TTYH1: variants seen among roughly 807,000 people sequenced by gnomAD.
The protein encoded by TTYH1 is protein tweety homolog 1.
In TTYH1, 33 loss-of-function variants were observed where a neutral mutation model predicts 61.2. The ratio of observed to expected loss-of-function variants is 0.54; its 90% CI spans 0.41 to 0.72. The LOEUF is 0.72. TTYH1 is among the 30% of genes least tolerant of loss of function. The pLI is 0.00. For synonymous variants in TTYH1, 308 were observed against 266.4 expected, an observed-to-expected ratio of 1.16 and a Z score of -1.52; for missense variants, 538 against 575.8, an observed-to-expected ratio of 0.93 and a Z score of 0.67.
chr19:54,416,041 G>C lies in TTYH1; in HGVS notation c.126+363G>C. 7.6e-7 allele frequency: 1 copy of C among 1,315,952 alleles called. No individual in the cohort carries two copies. The allele number at this position is 1,315,952 out of a possible 1,614,324, so 81.5% of individuals were successfully genotyped here. A position where few individuals can be genotyped will look rare whatever the true frequency, so the allele number is the denominator to read the frequency against. Reference sequence around the variant, plus strand: ...GTCTACTCTTCCTGCCCTAAAAGATGACCCTGCCCCACAGGATCAGAGCAG... The same window carrying C: ...GTCTACTCTTCCTGCCCTAAAAGATCACCCTGCCCCACAGGATCAGAGCAG... On this transcript the variant is annotated intron_variant, in intron 1 of 13. Coordinates refer to ENST00000376530, the MANE Select transcript of TTYH1 (RefSeq NM_020659.4). The surrounding 1 kb of genome is among the most constrained non-coding windows in gnomAD (Gnocchi z 7.0).
chr19:54,419,162 G>A lies in TTYH1; in HGVS notation c.161G>A (p.Gly54Asp), dbSNP rs771847339. 2 of 1,613,270 alleles carry A rather than the reference G, an allele frequency of 1.2e-6. No individual in the cohort carries two copies. The highest frequency in any genetic ancestry group is 2.2e-5 in the South Asian group (2 of 91,076). The stretch of plus-strand genomic sequence containing the variant: ...CTGGTGGCGGCCTTGGCGGGCCTGG[G>A]CTTGGGCCTGAGCCTCATTTTCATC... Reference protein sequence around the residue: ...LLLVAALAGLGLGLSLIFIAV... With the variant: ...LLLVAALAGLDLGLSLIFIAV... The change falls in exon 2 of 14, where the codon GGC (glycine) becomes GAC (aspartate). Residue 54 changes from glycine to aspartate, a missense_variant. Gly to Asp is a moderately conservative substitution (Grantham distance 94). Coordinates refer to ENST00000376530, the MANE Select transcript of TTYH1 (RefSeq NM_020659.4). This position sits in a 1 kb window ranked among gnomAD's most constrained non-coding sequence, Gnocchi z 6.1.
In TTYH1 at chr19:54,436,872, TAAAAAAA is replaced by T. The variant is rs111972166; in HGVS notation, c.*595_*601del. 1 of 129,340 alleles carries T rather than the reference TAAAAAAA, an allele frequency of 7.7e-6. No homozygotes were observed. The highest frequency in any genetic ancestry group is 1.7e-5 in the Non-Finnish European group (1 of 59,944). 8.0% of individuals were successfully genotyped at this position (129,340 alleles called of 1,614,324 possible). A position where few individuals can be genotyped will look rare whatever the true frequency, so the allele number is the denominator to read the frequency against. ...CAAGGGGTCCAAAGACATTGTTCTT[TAAAAAAA>T]AAAAAAAAAAAATCAAAAAACAAAA... On this transcript the variant is annotated 3_prime_UTR_variant, in exon 14 of 14. Transcript: ENST00000376530. This position sits in a 1 kb window ranked among gnomAD's most constrained non-coding sequence, Gnocchi z 4.3.
Position 54,429,780 on chromosome 19 carries a change from C to T in TTYH1, c.808-102C>T. On this transcript the variant is annotated intron_variant, in intron 6 of 13. Transcript: ENST00000376530. The surrounding 1 kb of genome is among the most constrained non-coding windows in gnomAD (Gnocchi z 5.1). ...GGGAAGAGGGGCTGGGACCTGGACC[C>T]CTGGGTGGGGAGGGGAGCTGGGGAG... 9.8e-7 allele frequency: 1 copy of T among 1,024,344 alleles called. No homozygotes were observed. The highest frequency in any genetic ancestry group is 1.5e-6 in the Non-Finnish European group (1 of 666,652). 63.5% of individuals were successfully genotyped at this position (1,024,344 alleles called of 1,614,324 possible).
Position 54,429,259 on chromosome 19 carries a change from G to A in TTYH1, c.735-48G>A, listed in dbSNP as rs545469503. 5.7e-6 allele frequency: 9 copies of A among 1,570,810 alleles called. No individual in the cohort carries two copies. The South Asian group carries it at 7.8e-5, about 14-fold the overall frequency. On this transcript the variant is annotated intron_variant, in intron 5 of 13. Transcript: ENST00000376530. This position sits in a 1 kb window ranked among gnomAD's most constrained non-coding sequence, Gnocchi z 5.1. ...GGATTTGGGGTGTGGAAAGAGGCTA[G>A]GCTAGGAGATTAAGAACCCCGGGCT...
At position 54,416,968 on chromosome 19, in the gene TTYH1, T is replaced by A; in HGVS notation, c.126+1290T>A. On this transcript the variant is annotated intron_variant, in intron 1 of 13. Coordinates refer to ENST00000376530, the MANE Select transcript of TTYH1 (RefSeq NM_020659.4). The surrounding 1 kb of genome is among the most constrained non-coding windows in gnomAD (Gnocchi z 7.0). Reference sequence around the variant, plus strand: ...CTCACTCCGCCCCCACGGTCGGGGGTCAGGGTCAGGGTGGCAGGGATGCGC... The same window carrying A: ...CTCACTCCGCCCCCACGGTCGGGGGACAGGGTCAGGGTGGCAGGGATGCGC... The A allele has an allele frequency of 8.2e-7, 1 of 1,226,316 alleles. No homozygotes were observed. Among genetic ancestry groups the A allele is most frequent in the Non-Finnish European group, 1.0e-6 (1 of 958,864 alleles). The allele number at this position is 1,226,316 out of a possible 1,614,324, so 76.0% of individuals were successfully genotyped here.
At position 54,420,818 on chromosome 19, in the gene TTYH1, T is replaced by C; in HGVS notation, c.306-459T>C. The C allele has an allele frequency of 5.3e-6, 1 of 189,912 alleles. No homozygotes were observed. The allele number at this position is 189,912 out of a possible 1,614,324, so 11.8% of individuals were successfully genotyped here. The stretch of plus-strand genomic sequence containing the variant: ...CCCCAGGAGGTGGGGGCGGAGAACG[T>C]CTCAGCACTGAAGGGTTGGCACTGC... On this transcript the variant is annotated intron_variant, in intron 2 of 13. Coordinates refer to ENST00000376530, the MANE Select transcript of TTYH1 (RefSeq NM_020659.4). This position sits in a 1 kb window ranked among gnomAD's most constrained non-coding sequence, Gnocchi z 4.8.
chr19:54,421,128 G>T lies in TTYH1; in HGVS notation c.306-149G>T. 1 of 626,004 alleles carries T rather than the reference G, an allele frequency of 1.6e-6. No homozygotes were observed. Among genetic ancestry groups the T allele is most frequent in the Non-Finnish European group, 2.9e-6 (1 of 344,760 alleles). 38.8% of individuals were successfully genotyped at this position (626,004 alleles called of 1,614,324 possible). A position where few individuals can be genotyped will look rare whatever the true frequency, so the allele number is the denominator to read the frequency against. ...AACCGACGGGGGCCAGGCTGAAGTCGCCCTTTTCCCACGGGCTGGCCCAAT... is the reference window on the plus strand; with the variant it reads ...AACCGACGGGGGCCAGGCTGAAGTCTCCCTTTTCCCACGGGCTGGCCCAAT... On this transcript the variant is annotated intron_variant, in intron 2 of 13. Transcript: ENST00000376530. This position sits in a 1 kb window ranked among gnomAD's most constrained non-coding sequence, Gnocchi z 4.8.
Position 54,436,328 on chromosome 19 carries a change from C to T in TTYH1, c.*43-5C>T, listed in dbSNP as rs948391995. On this transcript the variant is annotated splice_region_variant and splice_polypyrimidine_tract_variant and intron_variant, in intron 13 of 13. Transcript: ENST00000376530. This position sits in a 1 kb window ranked among gnomAD's most constrained non-coding sequence, Gnocchi z 4.3. ...TCACTGCCCTGTCTCTCCCTCTCTCCGCAGTTCCTTCCCTGGCTGCCGGAG... is the reference window on the plus strand; with the variant it reads ...TCACTGCCCTGTCTCTCCCTCTCTCTGCAGTTCCTTCCCTGGCTGCCGGAG... The T allele has an allele frequency of 2.3e-5, 37 of 1,614,198 alleles. No individual in the cohort carries two copies. The East Asian group carries it at 2.5e-4, about 11-fold the overall frequency.
chr19:54,435,947 A>AG (rs1282406161), intron 12 of TTYH1, 74 bp downstream of exon 12: 34 of 1,590,660 alleles, frequency 2.1e-5, no homozygotes, highest in Non-Finnish European at 6.9e-6. Flanking sequence ...GGAGGAGCTG[A>AG]GGGCCTGGCC....
In TTYH1 at chr19:54,419,761, C is replaced by T. The variant is rs77255381; in HGVS notation, c.305+455C>T. On this transcript the variant is annotated intron_variant, in intron 2 of 13. Coordinates refer to ENST00000376530, the MANE Select transcript of TTYH1 (RefSeq NM_020659.4). The surrounding 1 kb of genome is among the most constrained non-coding windows in gnomAD (Gnocchi z 6.1). ...GCCAACATTAACTGGTGATGTCTGT[C>T]ATTCCGTCATTCACCAGCTCATTCA... Among the ~76,000 whole-genome samples, 1,439 of 152,258 alleles carry T rather than the reference C, an allele frequency of 9.5e-3. 21 individuals carry two copies. Among genetic ancestry groups the T allele is most frequent in the African/African-American group, 0.032 (1,335 of 41,520 alleles).
chr19:54,433,597 G>A (rs2083481854), intron 10 of TTYH1: 1 of 151,430 alleles, frequency 6.6e-6, no homozygotes, highest in Non-Finnish European at 1.5e-5. Flanking sequence ...CTAGGGATGG[G>A]TGCCTCGTGC....
Position 54,419,040 on chromosome 19 carries a change from A to C in TTYH1, c.127-88A>C. 1 of 1,360,856 alleles carries C rather than the reference A, an allele frequency of 7.3e-7. No individual in the cohort carries two copies. Among genetic ancestry groups the C allele is most frequent in the Non-Finnish European group, 1.0e-6 (1 of 992,530 alleles). 84.3% of individuals were successfully genotyped at this position (1,360,856 alleles called of 1,614,324 possible). On this transcript the variant is annotated intron_variant, in intron 1 of 13. Coordinates refer to ENST00000376530, the MANE Select transcript of TTYH1 (RefSeq NM_020659.4). This position sits in a 1 kb window ranked among gnomAD's most constrained non-coding sequence, Gnocchi z 6.1. ...TCCCACCTTCACTCTGACATCCCAG[A>C]CCCCGACCCCCCAGCCACGCAGGAA...
chr19:54,429,373 G>A lies in TTYH1; in HGVS notation c.801G>A (p.Thr267=), dbSNP rs761319435. The part of the protein sequence containing the change: ...SWGSMGLEAA[T]AVGLSDFCSN... ...GCTCCATGGGCCTGGAGGCAGCCAC[G>A]GCCGTGGTGAGTGCCAGGGCCGGGC... Residue 267 remains threonine (T), a synonymous_variant, in exon 6 of 14, where the codon ACG becomes ACA. Transcript: ENST00000376530. This position sits in a 1 kb window ranked among gnomAD's most constrained non-coding sequence, Gnocchi z 5.1. 2.0e-5 allele frequency: 33 copies of A among 1,613,728 alleles called. No homozygotes were observed. Among genetic ancestry groups the A allele is most frequent in the African/African-American group, 2.7e-5 (2 of 74,908 alleles).
At position 54,434,731 on chromosome 19, in the gene TTYH1, A is replaced by T. The variant is rs1253734362; in HGVS notation, c.1126-811A>T. 1 of 152,108 alleles carries T rather than the reference A, an allele frequency of 6.6e-6. No homozygotes were observed. Among genetic ancestry groups the T allele is most frequent in the African/African-American group, 2.4e-5 (1 of 41,352 alleles). 9.4% of individuals were successfully genotyped at this position (152,108 alleles called of 1,614,324 possible). ...AGAGCCAGCATTTGTTGGCATGTTG[A>T]GTGTGTATTGTGTGCGCGGTGTCAT... On this transcript the variant is annotated intron_variant, in intron 10 of 13. Transcript: ENST00000376530. This position sits in a 1 kb window ranked among gnomAD's most constrained non-coding sequence, Gnocchi z 4.3.
At position 54,416,649 on chromosome 19, in the gene TTYH1, C is replaced by A; in HGVS notation, c.126+971C>A. On this transcript the variant is annotated intron_variant, in intron 1 of 13. Coordinates refer to ENST00000376530, the MANE Select transcript of TTYH1 (RefSeq NM_020659.4). This position sits in a 1 kb window ranked among gnomAD's most constrained non-coding sequence, Gnocchi z 7.0. The stretch of plus-strand genomic sequence containing the variant: ...GAGCTCAGGGGGCGTGGAGGGGGTC[C>A]CAGAAAAGCGCGGAGGGGATGAGTG... 1.1e-6 allele frequency: 1 copy of A among 911,062 alleles called. No homozygotes were observed. Among genetic ancestry groups the A allele is most frequent in the Non-Finnish European group, 1.5e-6 (1 of 674,696 alleles). The allele number at this position is 911,062 out of a possible 1,614,324, so 56.4% of individuals were successfully genotyped here.
Position 54,435,870 on chromosome 19 carries a change from T to G in TTYH1, c.1311T>G (p.Pro437=), listed in dbSNP as rs752805975. ...DDTDDDDPFN[P]QESKRFVQWQ... ...CAGACGATGACGACCCTTTCAACCC[T>G]CAGGTACTGGATGCCTGGGTCTGAG... Residue 437 remains proline, a synonymous_variant, in exon 12 of 14, where the codon CCT becomes CCG. Transcript: ENST00000376530. 2 of 1,609,942 alleles carry G rather than the reference T, an allele frequency of 1.2e-6. No homozygotes were observed. Among genetic ancestry groups the G allele is most frequent in the Non-Finnish European group, 1.7e-6 (2 of 1,179,850 alleles).
At position 54,426,901 on chromosome 19, in the gene TTYH1, AGAGCAGCCCAG is replaced by A. The variant is rs531264978; in HGVS notation, c.734+137_734+147del. 1.1e-4 allele frequency: 80 copies of A among 753,190 alleles called. No individual in the cohort carries two copies. The East Asian group carries it at 2.1e-3, about 20-fold the overall frequency. The allele number at this position is 753,190 out of a possible 1,614,324, so 46.7% of individuals were successfully genotyped here. A position where few individuals can be genotyped will look rare whatever the true frequency, so the allele number is the denominator to read the frequency against. On this transcript the variant is annotated intron_variant, in intron 5 of 13. Transcript: ENST00000376530. ...GGGTACACACGAAGAAAAGAGAGTCAGAGCAGCCCAGGAGGGAGGCGGGGACAGACCTGAAA... is the reference window on the plus strand; with the variant it reads ...GGGTACACACGAAGAAAAGAGAGTCAGAGGGAGGCGGGGACAGACCTGAAA...
At chr19:54,427,413 GGC>G (rs1001249983) in intron 5 of TTYH1, among the ~76,000 whole-genome samples, 2 of 149,556 alleles carry the variant, frequency 1.3e-5, no homozygotes, top group African/African-American at 4.9e-5. Context: ...AGACCATCCT[GGC>G]TAACACGGTG....
Position 54,419,660 on chromosome 19 carries a change from G to A in TTYH1, c.305+354G>A. 2 of 539,470 alleles carry A rather than the reference G, an allele frequency of 3.7e-6. No individual in the cohort carries two copies. The highest frequency in any genetic ancestry group is 1.6e-5 in the South Asian group (1 of 63,566). 33.4% of individuals were successfully genotyped at this position (539,470 alleles called of 1,614,324 possible). A position where few individuals can be genotyped will look rare whatever the true frequency, so the allele number is the denominator to read the frequency against. ...CCTCAATTTCCACATCTGTAAACTG[G>A]GCATTATCATCTCGCCCACCTCCTG... On this transcript the variant is annotated intron_variant, in intron 2 of 13. Transcript: ENST00000376530. The surrounding 1 kb of genome is among the most constrained non-coding windows in gnomAD (Gnocchi z 6.1).
Sources: gnomAD v4.1 joint callset for allele counts (sites outside exome capture counted in the v4.1 genomes callset) on GRCh38, gnomAD v4.1.1 for gene constraint, Gnocchi (gnomAD v3.1) non-coding constraint, MANE v1.5 for transcripts, NCBI Gene and HGNC (gene_info 2026-07-23, HGNC 2026-07-21) for gene names.